CHIC1: variants seen among roughly 807,000 people sequenced by gnomAD.
CHIC1 encodes cysteine-rich hydrophobic domain-containing protein 1.
In CHIC1, 7 loss-of-function variants were observed where a neutral mutation model predicts 18.5. The observed-to-expected ratio is 0.38, with a 90% CI of 0.22 to 0.71. CHIC1 has a LOEUF of 0.71. CHIC1 is among the 30% of genes least tolerant of loss of function. The pLI is 0.49. For synonymous variants in CHIC1, 77 were observed against 73.5 expected (o/e 1.05, Z -0.25); for missense variants, 159 against 176.9 (o/e 0.90, Z 0.57).
intron 3 of CHIC1, among the ~76,000 whole-genome samples, chrX:73,642,241 G>A (rs1171085177): frequency 1.8e-5 from 2 of 111,113 alleles, no homozygotes; most frequent in Admixed American, 1.9e-4. Flanking sequence ...TCTCATTGTG[G>A]TTTTGATTTG....
intron 3 of CHIC1, among the ~76,000 whole-genome samples, chrX:73,654,535 C>T (rs908302411): frequency 8.1e-5 from 9 of 111,681 alleles, no homozygotes; most frequent in Non-Finnish European, 1.7e-4. Context: ...CAGGTTAATG[C>T]GGGCCTTGTA....
chrX:73,662,902 A>G (rs1363374564), intron 3 of CHIC1, among the ~76,000 whole-genome samples: 3 of 111,802 alleles, frequency 2.7e-5, no homozygotes, highest in Non-Finnish European at 3.8e-5. Context: ...TCCATTGGGG[A>G]TCAAAGCTTG....
chrX:73,605,052 G>C (rs1029300840), intron 3 of CHIC1, among the ~76,000 whole-genome samples: 7 of 107,641 alleles, frequency 6.5e-5, no homozygotes, highest in African/African-American at 2.5e-4. Context: ...CTTGAATATC[G>C]TTCTTAATTT....
chrX:73,657,612 C>A (rs918120616), intron 3 of CHIC1, among the ~76,000 whole-genome samples: 1 of 111,798 alleles, frequency 8.9e-6, no homozygotes, highest in Non-Finnish European at 1.9e-5. Context: ...TGCTTTATTT[C>A]TTTTTCTTGC....
At chrX:73,644,930 C>T (rs1369187384) in intron 3 of CHIC1, among the ~76,000 whole-genome samples, 4 of 112,472 alleles carry the variant, frequency 3.6e-5, no homozygotes, top group East Asian at 5.6e-4. Context: ...CGGAGTGAGG[C>T]AGTGCCTCGC....
intron 3 of CHIC1, among the ~76,000 whole-genome samples, chrX:73,632,609 A>G (rs915917338): frequency 1.8e-5 from 2 of 109,127 alleles, no homozygotes; most frequent in Non-Finnish European, 3.8e-5. Context: ...TGTGTCTACT[A>G]TAGGTTTTAT....
Position 73,591,746 on chromosome X carries a change from T to C in CHIC1, c.507+7174T>C, listed in dbSNP as rs191458646. 2.4e-3 allele frequency among the ~76,000 whole-genome samples: 264 copies of C among 111,715 alleles called. 1 individual carries two copies. The highest frequency in any genetic ancestry group is 8.2e-3 in the African/African-American group (254 of 30,880). ...GGTATGTGAATACATTCAGTTTTCCTTGCATGTTGATGTCCATTTGTACCA... is the reference window on the plus strand; with the variant it reads ...GGTATGTGAATACATTCAGTTTTCCCTGCATGTTGATGTCCATTTGTACCA... On this transcript the variant is annotated intron_variant, in intron 3 of 5. Transcript: ENST00000373502.
chrX:73,615,139 A>G (rs2057726560), intron 3 of CHIC1, among the ~76,000 whole-genome samples: 1 of 111,897 alleles, frequency 8.9e-6, no homozygotes, highest in Non-Finnish European at 1.9e-5. Flanking sequence ...TTGTAAAAGC[A>G]TCAGTGGTGT....
At chrX:73,665,492 G>A (rs768268698) in intron 3 of CHIC1, among the ~76,000 whole-genome samples, 10 of 111,184 alleles carry the variant, frequency 9.0e-5, no homozygotes, top group Non-Finnish European at 1.9e-4. Flanking sequence ...CTGCAAAACC[G>A]AGGCTCCACT....
chrX:73,663,638 C>T (rs2057991264), intron 3 of CHIC1, among the ~76,000 whole-genome samples: 1 of 110,737 alleles, frequency 9.0e-6, no homozygotes, highest in Admixed American at 9.7e-5. Context: ...ATCGAAATGT[C>T]CGCCCCTGTG....
chrX:73,573,865 T>C (rs886770158), intron 1 of CHIC1, among the ~76,000 whole-genome samples: 7 of 111,222 alleles, frequency 6.3e-5, no homozygotes, highest in Non-Finnish European at 1.1e-4. Context: ...TAGAATCATA[T>C]TGTCTGCAAA....
chrX:73,640,372 G>A (rs2057849849), intron 3 of CHIC1, among the ~76,000 whole-genome samples: 1 of 111,877 alleles, frequency 8.9e-6, no homozygotes, highest in Non-Finnish European at 1.9e-5. Context: ...GCATCCCAGG[G>A]ATAAATCTTA....
Position 73,603,429 on chromosome X carries a change from A to T in CHIC1, c.507+18857A>T, listed in dbSNP as rs199600717. On this transcript the variant is annotated intron_variant, in intron 3 of 5. Coordinates refer to ENST00000373502, the MANE Select transcript of CHIC1 (RefSeq NM_001039840.4). ...AGACGCTGGGGTTTTTTAAATATAC[A>T]ATCGTGTCGTCTGCAAGCAGAGACT... is the stretch of plus-strand genomic sequence containing the variant. Among the ~76,000 whole-genome samples the T allele has an allele frequency of 7.4e-5, 8 of 108,258 alleles. No homozygotes were observed. The East Asian group carries it at 1.7e-3, about 23-fold the overall frequency. The allele number at this position is 108,258 out of a possible 115,157, so 94.0% of individuals were successfully genotyped here. A position where few individuals can be genotyped will look rare whatever the true frequency, so the allele number is the denominator to read the frequency against.
chrX:73,655,507 CATATATACACAATATTGTGTAT>C (rs2057941977), intron 3 of CHIC1, among the ~76,000 whole-genome samples: 9 of 66,128 alleles, frequency 1.4e-4, no homozygotes, highest in Admixed American at 1.8e-4. Context: ...TATATATATA[CATATATACACAATATTGTGTAT>C]ATATATATAC....
intron 1 of CHIC1, among the ~76,000 whole-genome samples, chrX:73,573,628 A>G (rs1374162672): frequency 9.0e-6 from 1 of 111,036 alleles, no homozygotes; most frequent in Non-Finnish European, 1.9e-5. Flanking sequence ...CCTTGTAGAC[A>G]TCTTTCACCT....
chrX:73,664,897 A>G (rs2057997103), intron 3 of CHIC1, among the ~76,000 whole-genome samples: 1 of 112,060 alleles, frequency 8.9e-6, no homozygotes, highest in Non-Finnish European at 1.9e-5. Context: ...AAGTTGTTTT[A>G]GTTAGCACTG....
At chrX:73,648,759 C>T (rs1421589027) in intron 3 of CHIC1, among the ~76,000 whole-genome samples, 4 of 111,588 alleles carry the variant, frequency 3.6e-5, no homozygotes, top group East Asian at 2.8e-4. Flanking sequence ...CCGAAGGAGA[C>T]GGGGAGAATG....
chrX:73,686,484 CTT>C lies in CHIC1; in HGVS notation c.*5480_*5481del, dbSNP rs1384831415. The C allele has an allele frequency of 1.8e-5, 2 of 111,834 alleles. No individual in the cohort carries two copies. The highest frequency in any genetic ancestry group is 3.6e-4 in the South Asian group (1 of 2,748). 9.2% of individuals were successfully genotyped at this position (111,834 alleles called of 1,213,427 possible). On this transcript the variant is annotated 3_prime_UTR_variant, in exon 6 of 6. Transcript: ENST00000373502. ...TTGGACTAAATATCAATTTCTGACTCTTAAAGTAGTTCTGTGTATAAATTCAA... is the reference window on the plus strand; with the variant it reads ...TTGGACTAAATATCAATTTCTGACTCAAAGTAGTTCTGTGTATAAATTCAA...
At chrX:73,646,493 G>C (rs1207893575) in intron 3 of CHIC1, among the ~76,000 whole-genome samples, 1 of 111,911 alleles carries the variant, frequency 8.9e-6, no homozygotes, top group African/African-American at 3.2e-5. Context: ...TTCCATTTGT[G>C]TGTTCTTCCA....
Sources: allele counts gnomAD v4.1 joint callset (sites outside exome capture counted in the v4.1 genomes callset), GRCh38; gene constraint gnomAD v4.1.1; transcripts MANE v1.5; gene names NCBI Gene and HGNC (gene_info 2026-07-23, HGNC 2026-07-21).